Variants in PLCG2 observed in about 807,000 individuals in gnomAD.
The protein encoded by PLCG2 is 1-phosphatidylinositol 4,5-bisphosphate phosphodiesterase gamma-2.
Under a neutral mutation model 175.6 loss-of-function variants are expected in PLCG2, and 69 were observed. That is an observed-to-expected ratio of 0.39 (90% CI 0.32 to 0.48). PLCG2 has a LOEUF of 0.48. PLCG2 is among the 20% of genes least tolerant of loss of function. PLCG2 has a pLI of 0.91. For missense variants in PLCG2, 1,798 were observed against 1,650.9 expected, an observed-to-expected ratio of 1.09 and a Z score of -1.54; for synonymous variants, 827 against 624.0, an observed-to-expected ratio of 1.33 and a Z score of -4.85.
At chr16:81,842,565 T>A (rs1905891666) in intron 2 of PLCG2, among the ~76,000 whole-genome samples, 1 of 152,110 alleles carries the variant, frequency 6.6e-6, no homozygotes, top group African/African-American at 2.4e-5. Flanking sequence ...CTCGCTTGAA[T>A]ATGTCTTGAG....
At chr16:81,819,347 T>G (rs773261249) in intron 2 of PLCG2, among the ~76,000 whole-genome samples, 9 of 152,290 alleles carry the variant, frequency 5.9e-5, no homozygotes, top group Non-Finnish European at 1.3e-4. Context: ...AGAGCTCATT[T>G]CTGAGGCTTC....
At chr16:81,746,610 G>A (rs533730441) in intron 1 of PLCG2, among the ~76,000 whole-genome samples, 2 of 152,330 alleles carry the variant, frequency 1.3e-5, no homozygotes, top group East Asian at 3.9e-4. Context: ...TAACACCCAA[G>A]GAGGCAGAGA....
intron 20 of PLCG2, among the ~76,000 whole-genome samples, chr16:81,920,474 A>G (rs1005326959): frequency 2.0e-5 from 3 of 152,228 alleles, no homozygotes; most frequent in Non-Finnish European, 4.4e-5. Flanking sequence ...AAAACAGGAT[A>G]GTGTGAAAAG....
chr16:81,837,636 T>C (rs1905589286), intron 2 of PLCG2, among the ~76,000 whole-genome samples: 1 of 151,876 alleles, frequency 6.6e-6, no homozygotes, highest in Non-Finnish European at 1.5e-5. Flanking sequence ...TCAGTTCCCT[T>C]TCCGTCTTCC....
At chr16:81,841,635 C>A (rs772697086) in intron 2 of PLCG2, among the ~76,000 whole-genome samples, 1 of 152,188 alleles carries the variant, frequency 6.6e-6, no homozygotes, top group Middle Eastern at 3.4e-3. Context: ...AGACAGTAAG[C>A]CAGAATAGAG....
intron 2 of PLCG2, among the ~76,000 whole-genome samples, chr16:81,830,514 C>A (rs1414206059): frequency 6.6e-6 from 1 of 151,964 alleles, no homozygotes; most frequent in Non-Finnish European, 1.5e-5. Context: ...ACCACGTTGG[C>A]CATGCTGGTC....
chr16:81,927,150 C>G lies in PLCG2; in HGVS notation c.2486C>G (p.Thr829Ser), dbSNP rs767593863. The G allele has an allele frequency of 6.2e-7, 1 of 1,613,320 alleles. No individual in the cohort carries two copies. Among genetic ancestry groups the G allele is most frequent in the Non-Finnish European group, 8.5e-7 (1 of 1,179,206 alleles). The change falls in exon 23 of 33, where the codon ACT (threonine) becomes AGT (serine). Residue 829 changes from threonine to serine, a missense_variant. Thr to Ser is a moderately conservative substitution (Grantham distance 58). Coordinates refer to ENST00000564138, the MANE Select transcript of PLCG2 (RefSeq NM_002661.5). ...FPSNYVEDISTADFEELEKQI... is the reference protein window; with the variant it reads ...FPSNYVEDISSADFEELEKQI... ...TCCAACTACGTCGAGGACATCTCAA[C>G]TGCAGACTTCGAGGAGCTAGAAAAG...
chr16:81,770,588 G>A (rs1910256416), intron 2 of PLCG2, among the ~76,000 whole-genome samples: 1 of 152,088 alleles, frequency 6.6e-6, no homozygotes, highest in South Asian at 2.1e-4. Flanking sequence ...GGTGATGTGT[G>A]CATGTAGTCC....
intron 14 of PLCG2, among the ~76,000 whole-genome samples, chr16:81,902,459 C>T (rs913281272): frequency 1.3e-5 from 2 of 152,184 alleles, no homozygotes; most frequent in Non-Finnish European, 2.9e-5. Context: ...AAGGGTGAGG[C>T]AGCTCTCTGG....
At chr16:81,857,787 T>C (rs911104276) in intron 3 of PLCG2, among the ~76,000 whole-genome samples, 2 of 152,226 alleles carry the variant, frequency 1.3e-5, no homozygotes, top group African/African-American at 2.4e-5. Flanking sequence ...CAGTCTGTAA[T>C]GGCTGCTATG....
chr16:81,907,664 A>T, intron 15 of PLCG2, 21 bp from the exon 16 acceptor site: 2 of 1,586,308 alleles, frequency 1.3e-6, no homozygotes, highest in South Asian at 1.1e-5. Flanking sequence ...GGGGGGCACT[A>T]ATACCAGTTT....
intron 2 of PLCG2, among the ~76,000 whole-genome samples, chr16:81,765,486 C>T (rs1185641591): frequency 6.6e-6 from 1 of 152,208 alleles, no homozygotes; most frequent in African/African-American, 2.4e-5. Flanking sequence ...CAAAAATTAG[C>T]TGGGCGTCAT....
chr16:81,782,685 A>G (rs915208139), intron 1 of PLCG2, among the ~76,000 whole-genome samples: 3 of 152,240 alleles, frequency 2.0e-5, no homozygotes, highest in Non-Finnish European at 2.9e-5. Context: ...CCAGAAATCA[A>G]GGAAGTTTTT....
At chr16:81,860,172 A>ATTTTTTTTT (rs1555513300) in intron 5 of PLCG2, among the ~76,000 whole-genome samples, 3 of 120,614 alleles carry the variant, frequency 2.5e-5, no homozygotes, top group Non-Finnish European at 1.7e-5. Flanking sequence ...TATTATTATT[A>ATTTTTTTTT]TTTTTTTTTT....
At chr16:81,900,926 C>T in intron 14 of PLCG2, 146 bp downstream of exon 14, 1 of 668,396 alleles carries the variant, frequency 1.5e-6, no homozygotes, top group Non-Finnish European at 2.5e-6. Flanking sequence ...TCCTTACTAA[C>T]ACTGTGACCT....
intron 1 of PLCG2, among the ~76,000 whole-genome samples, chr16:81,784,794 C>T (rs1239450147): frequency 1.3e-5 from 2 of 152,142 alleles, no homozygotes; most frequent in African/African-American, 4.8e-5. Flanking sequence ...ATCTAAGTGA[C>T]TTCTTGCAGC....
intron 2 of PLCG2, among the ~76,000 whole-genome samples, chr16:81,853,631 G>C (rs796906393): frequency 1.2e-4 from 18 of 152,294 alleles, no homozygotes; most frequent in African/African-American, 3.8e-4. Context: ...TCTGACAGTT[G>C]GTGGAGCTCA....
At chr16:81,779,598 G>C (rs1389695722) in intron 1 of PLCG2, among the ~76,000 whole-genome samples, 174 bp downstream of exon 1, 1 of 152,084 alleles carries the variant, frequency 6.6e-6, no homozygotes, top group African/African-American at 2.4e-5. Flanking sequence ...GGTCCGTTTG[G>C]TGACGGCAGG....
intron 2 of PLCG2, among the ~76,000 whole-genome samples, chr16:81,762,186 A>G (rs900894845): frequency 2.6e-5 from 4 of 152,090 alleles, no homozygotes; most frequent in African/African-American, 9.7e-5. Context: ...CCTCTTTCCA[A>G]TTATTAATGC....
Sources: allele counts gnomAD v4.1 joint callset (sites outside exome capture counted in the v4.1 genomes callset), GRCh38; gene constraint gnomAD v4.1.1; transcripts MANE v1.5; gene names NCBI Gene and HGNC (gene_info 2026-07-23, HGNC 2026-07-21).